Variants in GAB2 observed in about 807,000 individuals in gnomAD.
GAB2 encodes the protein GRB2-associated-binding protein 2.
In GAB2, 26 loss-of-function variants were observed where a neutral mutation model predicts 65.5. The observed-to-expected ratio is 0.40, with a 90% CI of 0.29 to 0.55. The LOEUF (loss-of-function observed/expected upper bound fraction) is 0.55, where lower values mean the gene tolerates loss of function less well. Ranked by LOEUF, GAB2 falls within the 20% of genes least tolerant of loss-of-function variation. The probability of loss-of-function intolerance (pLI) is 0.53; values close to 1 mark genes in which losing one functional copy is unlikely to be tolerated. For missense variants in GAB2, 884 were observed against 875.8 expected (o/e 1.01, Z -0.12); for synonymous variants, 321 against 329.6 (o/e 0.97, Z 0.28).
chr11:78,315,157 T>C (rs1156461449), intron 1 of GAB2, among the ~76,000 whole-genome samples: 1 of 152,074 alleles, frequency 6.6e-6, no homozygotes, highest in African/African-American at 2.4e-5. Flanking sequence ...GGTCTCTGAG[T>C]GAATTATAAA....
At chr11:78,306,153 A>T (rs1200247836) in intron 1 of GAB2, among the ~76,000 whole-genome samples, 2 of 152,208 alleles carry the variant, frequency 1.3e-5, no homozygotes, top group South Asian at 4.1e-4. Context: ...ATGAGCTTTC[A>T]ATAAACTAGA....
intron 1 of GAB2, among the ~76,000 whole-genome samples, chr11:78,316,908 G>A (rs1855618960): frequency 6.6e-6 from 1 of 152,206 alleles, no homozygotes; most frequent in Non-Finnish European, 1.5e-5. Flanking sequence ...TGGATGAATG[G>A]AGATATAAAA....
At chr11:78,369,119 CAG>C (rs1299902419) in intron 1 of GAB2, among the ~76,000 whole-genome samples, 1 of 140,866 alleles carries the variant, frequency 7.1e-6, no homozygotes, top group East Asian at 2.0e-4. Flanking sequence ...GCCTGGGTGA[CAG>C]AGTGACAGAG....
chr11:78,417,736 C>G lies in GAB2; in HGVS notation c.-16G>C, dbSNP rs372520986. On this transcript the variant is annotated 5_prime_UTR_variant, in exon 1 of 10. Transcript: ENST00000361507. ...CGCCGCTCATGCTGCCGGCCTGGAG[C>G]CCCCCGCCGGGTCGCGCGGACGAGG... is the stretch of plus-strand genomic sequence containing the variant. 5.6e-5 allele frequency: 70 copies of G among 1,256,346 alleles called. No homozygotes were observed. The highest frequency in any genetic ancestry group is 6.9e-5 in the Non-Finnish European group (67 of 976,460). The allele number at this position is 1,256,346 out of a possible 1,614,324, so 77.8% of individuals were successfully genotyped here. A position where few individuals can be genotyped will look rare whatever the true frequency, so the allele number is the denominator to read the frequency against.
chr11:78,314,526 C>T (rs1855562296), intron 1 of GAB2, among the ~76,000 whole-genome samples: 1 of 152,168 alleles, frequency 6.6e-6, no homozygotes, highest in Non-Finnish European at 1.5e-5. Context: ...AGCCAAACTC[C>T]AACTTTGCTG....
intron 5 of GAB2, 110 bp from the exon 6 acceptor site, chr11:78,223,786 C>G: frequency 1.1e-6 from 1 of 927,832 alleles, no homozygotes; most frequent in Non-Finnish European, 1.6e-6. Flanking sequence ...GTTAGCTATA[C>G]TTTGAAGCTG....
chr11:78,366,502 C>T (rs1856498506), intron 1 of GAB2, among the ~76,000 whole-genome samples: 1 of 130,686 alleles, frequency 7.7e-6, no homozygotes, highest in Non-Finnish European at 1.6e-5. Context: ...AGGAGAATTG[C>T]TTGAACCCAG....
At chr11:78,410,139 G>T (rs1857107844) in intron 1 of GAB2, among the ~76,000 whole-genome samples, 2 of 152,326 alleles carry the variant, frequency 1.3e-5, no homozygotes, top group Non-Finnish European at 2.9e-5. Context: ...GCAGTGCTGA[G>T]AGGGAAATTC....
At chr11:78,225,018 A>C (rs1385601) in intron 5 of GAB2, 90 bp downstream of exon 5, 171,196 of 782,780 alleles carry the variant, frequency 0.22, 22,446 homozygotes, top group African/African-American at 0.44. Context: ...GACGCCATCA[A>C]TCTTTTGGGG....
chr11:78,417,803 G>T lies in GAB2; in HGVS notation c.-83C>A. On this transcript the variant is annotated 5_prime_UTR_variant, in exon 1 of 10. In the 5' UTR this introduces an upstream ATG that the reference lacks. Coordinates refer to ENST00000361507, the MANE Select transcript of GAB2 (RefSeq NM_080491.3). ...CTGGGGCAGCGGCCGGCGGTGCGCAGCTCGCGGGAGGCCAGGGGCGGGGCG... is the reference window on the plus strand; with the variant it reads ...CTGGGGCAGCGGCCGGCGGTGCGCATCTCGCGGGAGGCCAGGGGCGGGGCG... The T allele has an allele frequency of 1.4e-6, 1 of 698,548 alleles. No individual in the cohort carries two copies. Among genetic ancestry groups the T allele is most frequent in the Non-Finnish European group, 1.8e-6 (1 of 562,910 alleles). 43.3% of individuals were successfully genotyped at this position (698,548 alleles called of 1,614,324 possible).
intron 3 of GAB2, among the ~76,000 whole-genome samples, chr11:78,236,906 A>G (rs1864997898): frequency 6.6e-6 from 1 of 152,252 alleles, no homozygotes; most frequent in African/African-American, 2.4e-5. Context: ...AGACACATAT[A>G]GATATACACA....
intron 2 of GAB2, among the ~76,000 whole-genome samples, chr11:78,261,020 G>A (rs938228649): frequency 5.9e-5 from 9 of 152,092 alleles, no homozygotes; most frequent in East Asian, 1.9e-4. Flanking sequence ...GACCAGCCTG[G>A]GCAACACTGG....
At chr11:78,360,186 C>T (rs559979881) in intron 1 of GAB2, among the ~76,000 whole-genome samples, 2 of 152,200 alleles carry the variant, frequency 1.3e-5, no homozygotes, top group South Asian at 4.2e-4. Flanking sequence ...GCTGTAACAC[C>T]TGGATTTATT....
At chr11:78,342,401 GCA>G (rs1441157562) in intron 1 of GAB2, among the ~76,000 whole-genome samples, 1 of 139,810 alleles carries the variant, frequency 7.2e-6, no homozygotes, top group Non-Finnish European at 1.5e-5. Context: ...TCAACACTTT[GCA>G]CTTTTTTTTT....
intron 1 of GAB2, among the ~76,000 whole-genome samples, chr11:78,399,244 C>T (rs954722867): frequency 6.6e-6 from 1 of 152,148 alleles, no homozygotes; most frequent in East Asian, 1.9e-4. Flanking sequence ...AAGCAAAGGG[C>T]TCATAATCTA....
chr11:78,266,492 C>T (rs184407757), intron 2 of GAB2, among the ~76,000 whole-genome samples: 96 of 152,266 alleles, frequency 6.3e-4, no homozygotes, highest in East Asian at 1.9e-4. Context: ...CAGGAATACC[C>T]GGAGTTGATT....
At chr11:78,227,441 G>C (rs1220510057) in intron 3 of GAB2, among the ~76,000 whole-genome samples, 4 of 152,134 alleles carry the variant, frequency 2.6e-5, no homozygotes, top group Admixed American at 2.6e-4. Context: ...ACCTCTCTGA[G>C]TCTATTCTGC....
chr11:78,261,284 T>C (rs1865724014), intron 2 of GAB2, among the ~76,000 whole-genome samples: 1 of 152,052 alleles, frequency 6.6e-6, no homozygotes. Flanking sequence ...TGAGACCCTG[T>C]CTCAACAAAA....
At chr11:78,233,632 T>C (rs1864907259) in intron 3 of GAB2, among the ~76,000 whole-genome samples, 1 of 152,136 alleles carries the variant, frequency 6.6e-6, no homozygotes, top group South Asian at 2.1e-4. Flanking sequence ...AGATGGAGTC[T>C]TGCTCACTCT....
Sources: allele counts gnomAD v4.1 joint callset (sites outside exome capture counted in the v4.1 genomes callset), GRCh38; gene constraint gnomAD v4.1.1; transcripts MANE v1.5; gene names NCBI Gene and HGNC (gene_info 2026-07-23, HGNC 2026-07-21).